Variants in ACOT13 observed in about 807,000 individuals in gnomAD.
ACOT13 encodes the protein acyl-coenzyme A thioesterase 13.
ACOT13 carries 10 observed loss-of-function variants against 11.8 expected under a neutral mutation model. The ratio of observed to expected loss-of-function variants is 0.85; its 90% CI spans 0.53 to 1.44. The LOEUF (loss-of-function observed/expected upper bound fraction) is 1.44. Among genes scored for constraint, ACOT13 ranks in the 40% most tolerant of loss-of-function variants. The pLI is 0.00. For missense variants in ACOT13, 172 were observed against 174.1 expected, an observed-to-expected ratio of 0.99 and a Z score of 0.07; for synonymous variants, 53 against 61.0, an observed-to-expected ratio of 0.87 and a Z score of 0.61.
At position 24,692,241 on chromosome 6, in the gene ACOT13, C is replaced by T. The variant is rs144795930; in HGVS notation, c.82-5642C>T. Among the ~76,000 whole-genome samples the T allele has an allele frequency of 2.7e-4, 41 of 152,196 alleles. No individual in the cohort carries two copies. The East Asian group carries it at 6.4e-3, about 24-fold the overall frequency. On this transcript the variant is annotated intron_variant, in intron 1 of 2. Transcript: ENST00000230048. ...AGGGAAGGCTAGGAAAAGTTCACGA[C>T]GTCACCAAATGCTGAGAGGTCACTT...
chr6:24,687,824 G>T, intron 1 of ACOT13: 4 of 935,958 alleles, frequency 4.3e-6, no homozygotes. Context: ...TATTTCTCCT[G>T]CTTCAGCCTC....
intron 1 of ACOT13, among the ~76,000 whole-genome samples, chr6:24,680,831 G>T (rs1433475341): frequency 6.6e-6 from 1 of 152,188 alleles, no homozygotes. Context: ...GATTGAAATA[G>T]TCTTTTGATT....
intron 1 of ACOT13, among the ~76,000 whole-genome samples, chr6:24,669,119 A>C (rs141187884): frequency 7.4e-4 from 112 of 152,378 alleles, no homozygotes; most frequent in African/African-American, 2.4e-3. Flanking sequence ...GACAGGTATC[A>C]GTTAATTTAG....
chr6:24,697,342 G>C (rs1318710143), intron 1 of ACOT13, among the ~76,000 whole-genome samples: 1 of 151,896 alleles, frequency 6.6e-6, no homozygotes, highest in Admixed American at 6.6e-5. Context: ...TACAAAACTA[G>C]GAAACAACAA....
chr6:24,682,641 C>A (rs779975424), intron 1 of ACOT13, among the ~76,000 whole-genome samples: 2 of 151,942 alleles, frequency 1.3e-5, no homozygotes, highest in Non-Finnish European at 2.9e-5. Flanking sequence ...CCTGCTGGAT[C>A]CGGAGGGATG....
At chr6:24,690,001 C>T (rs1778697237) in intron 1 of ACOT13, among the ~76,000 whole-genome samples, 1 of 152,110 alleles carries the variant, frequency 6.6e-6, no homozygotes, top group African/African-American at 2.4e-5. Flanking sequence ...CTATGTAGAT[C>T]CTCTGAGCTA....
At chr6:24,675,999 G>C (rs983557696) in intron 1 of ACOT13, among the ~76,000 whole-genome samples, 90 of 152,124 alleles carry the variant, frequency 5.9e-4, no homozygotes, top group African/African-American at 2.1e-3. Flanking sequence ...CCCATTTCTT[G>C]TTTTTGTCAG....
intron 1 of ACOT13, among the ~76,000 whole-genome samples, chr6:24,685,626 G>A (rs900328974): frequency 3.3e-5 from 5 of 152,128 alleles, no homozygotes; most frequent in African/African-American, 4.8e-5. Flanking sequence ...GATTACAGGC[G>A]TAAGCCACCG....
Position 24,704,627 on chromosome 6 carries a change from G to GA in ACOT13, c.*3015dup, listed in dbSNP as rs1302017016. ...CTAATTTTTAAATAAGAGGACACAT[G>GA]AAAGCATTTTGAAATTTAAGAATGG... is the stretch of plus-strand genomic sequence containing the variant. On this transcript the variant is annotated 3_prime_UTR_variant, in exon 3 of 3. Coordinates refer to ENST00000230048, the MANE Select transcript of ACOT13 (RefSeq NM_018473.4). 2 of 152,220 alleles carry GA rather than the reference G, an allele frequency of 1.3e-5. No individual in the cohort carries two copies. Among genetic ancestry groups the GA allele is most frequent in the Non-Finnish European group, 2.9e-5 (2 of 68,026 alleles). 9.4% of individuals were successfully genotyped at this position (152,220 alleles called of 1,614,324 possible). A position where few individuals can be genotyped will look rare whatever the true frequency, so the allele number is the denominator to read the frequency against.
intron 1 of ACOT13, 58 bp downstream of exon 1, chr6:24,667,402 G>T (rs1208108624): frequency 2.0e-6 from 3 of 1,503,286 alleles, no homozygotes; most frequent in Non-Finnish European, 2.8e-6. Context: ...AAAGCACCGT[G>T]CTTGGTGCCG....
intron 2 of ACOT13, among the ~76,000 whole-genome samples, chr6:24,699,241 G>T (rs1038973335): frequency 7.3e-6 from 1 of 137,176 alleles, no homozygotes; most frequent in Non-Finnish European, 1.5e-5. Context: ...ACGGAGTCTC[G>T]CTTTGTGGCC....
chr6:24,667,228 C>G lies in ACOT13; in HGVS notation c.-36C>G. The G allele has an allele frequency of 6.2e-7, 1 of 1,606,046 alleles. No individual in the cohort carries two copies. Among genetic ancestry groups the G allele is most frequent in the Non-Finnish European group, 8.5e-7 (1 of 1,173,632 alleles). On this transcript the variant is annotated 5_prime_UTR_variant, in exon 1 of 3. Transcript: ENST00000230048. ...CTTTCCAGCTCTTCCGAAGTTCGTT[C>G]TTGCGCAAAGCCCAAAGGCTGGAAA... is the stretch of plus-strand genomic sequence containing the variant.
At chr6:24,668,443 A>G (rs1169120466) in intron 1 of ACOT13, among the ~76,000 whole-genome samples, 2 of 151,380 alleles carry the variant, frequency 1.3e-5, no homozygotes, top group African/African-American at 4.9e-5. Context: ...CTGGTCTCAA[A>G]CTGCTGACCT....
At chr6:24,667,404 T>G in intron 1 of ACOT13, 60 bp downstream of exon 1, 1 of 1,480,646 alleles carries the variant, frequency 6.8e-7, no homozygotes, top group Admixed American at 1.7e-5. Flanking sequence ...AGCACCGTGC[T>G]TGGTGCCGTT....
chr6:24,693,885 G>C (rs1277381308), intron 1 of ACOT13, among the ~76,000 whole-genome samples: 1 of 152,014 alleles, frequency 6.6e-6, no homozygotes, highest in East Asian at 1.9e-4. Context: ...CATCATGCTT[G>C]GCTGATTTTT....
At chr6:24,668,665 G>T (rs1582430510) in intron 1 of ACOT13, among the ~76,000 whole-genome samples, 2 of 152,224 alleles carry the variant, frequency 1.3e-5, no homozygotes, top group African/African-American at 4.8e-5. Context: ...CCCACAATTG[G>T]CTGTGAAAAG....
At chr6:24,687,819 C>T in intron 1 of ACOT13, 3 of 977,632 alleles carry the variant, frequency 3.1e-6, no homozygotes, top group Non-Finnish European at 1.4e-6. Context: ...TCAAGTATTT[C>T]TCCTGCTTCA....
intron 1 of ACOT13, among the ~76,000 whole-genome samples, chr6:24,685,840 A>C (rs1778620657): frequency 6.6e-6 from 1 of 152,140 alleles, no homozygotes; most frequent in Admixed American, 6.5e-5. Flanking sequence ...CCCACAACAA[A>C]AAAGTATGCA....
rs1049429426 is a variant in ACOT13, at chr6:24,701,594, C to T, written c.402C>T (p.His134=). Residue 134 remains histidine, a synonymous_variant, in exon 3 of 3, where the codon CAC becomes CAT. Transcript: ENST00000230048. Reference sequence around the variant, plus strand: ...GAAAATTAATAGCACAAGGAAGACACACAAAACACCTGGGAAACTGAGAGA... The same window carrying T: ...GAAAATTAATAGCACAAGGAAGACATACAAAACACCTGGGAAACTGAGAGA... ...ATGKLIAQGR[H]TKHLGN 6 of 1,611,720 alleles carry T rather than the reference C, an allele frequency of 3.7e-6. No individual in the cohort carries two copies. Among genetic ancestry groups the T allele is most frequent in the Non-Finnish European group, 5.1e-6 (6 of 1,178,624 alleles).
Sources: gnomAD v4.1 joint callset for allele counts (sites outside exome capture counted in the v4.1 genomes callset) on GRCh38, gnomAD v4.1.1 for gene constraint, MANE v1.5 for transcripts, NCBI Gene and HGNC (gene_info 2026-07-23, HGNC 2026-07-21) for gene names.